TMTC2: variants seen among roughly 807,000 people sequenced by gnomAD.
TMTC2 encodes the protein transmembrane O-mannosyltransferase targeting cadherins 2, also known as protein O-mannosyl-transferase TMTC2.
In TMTC2, 43 loss-of-function variants were observed where a neutral mutation model predicts 82.4. The ratio of observed to expected loss-of-function variants is 0.52; its 90% confidence interval spans 0.41 to 0.67. TMTC2 has a LOEUF of 0.67. Ranked by LOEUF, TMTC2 falls within the 30% of genes least tolerant of loss-of-function variation. The pLI, the probability that TMTC2 is intolerant of heterozygous loss-of-function variation, is 0.00. For missense variants in TMTC2, 919 were observed against 1,012.4 expected (o/e 0.91, Z 1.25); for synonymous variants, 408 against 381.9 (o/e 1.07, Z -0.80).
intron 1 of TMTC2, among the ~76,000 whole-genome samples, chr12:82,842,356 C>G (rs770118007): frequency 2.2e-4 from 34 of 152,050 alleles, no homozygotes; most frequent in Non-Finnish European, 4.3e-4. Context: ...TTGAGTGATT[C>G]AAATTTTTTT....
At chr12:82,897,605 A>T (rs1044195174) in intron 3 of TMTC2, among the ~76,000 whole-genome samples, 2 of 152,046 alleles carry the variant, frequency 1.3e-5, no homozygotes, top group Admixed American at 1.3e-4. Flanking sequence ...GACTTACTGC[A>T]ACCTCCACCT....
chr12:82,969,699 A>T (rs1331114709), intron 7 of TMTC2, among the ~76,000 whole-genome samples: 1 of 152,144 alleles, frequency 6.6e-6, no homozygotes, highest in Non-Finnish European at 1.5e-5. Context: ...CCCAACTTAA[A>T]TTTTCCATAT....
intron 11 of TMTC2, among the ~76,000 whole-genome samples, chr12:83,107,875 G>A (rs927432321): frequency 6.6e-6 from 1 of 152,122 alleles, no homozygotes; most frequent in East Asian, 1.9e-4. Flanking sequence ...CAAATCTCAC[G>A]TTGAATTGGA....
intron 11 of TMTC2, among the ~76,000 whole-genome samples, chr12:83,089,613 A>G (rs1883773266): frequency 1.3e-5 from 2 of 152,188 alleles, no homozygotes; most frequent in South Asian, 2.1e-4. Flanking sequence ...CATGAGGCCT[A>G]GGTAGGGAGT....
intron 1 of TMTC2, among the ~76,000 whole-genome samples, chr12:82,702,802 C>G (rs1351603809): frequency 6.6e-6 from 1 of 152,068 alleles, no homozygotes; most frequent in East Asian, 1.9e-4. Context: ...TCACTTGAAC[C>G]TAGGAGTTCA....
rs189042171 is a variant in TMTC2, at chr12:82,991,278, G to T, written c.2070+5232G>T. On this transcript the variant is annotated intron_variant, in intron 8 of 11. Coordinates refer to ENST00000321196, the MANE Select transcript of TMTC2 (RefSeq NM_152588.3). ...TTGGTGTATGTGATTAAACTGATTG[G>T]AGATTGGAAAAATAACTTGACTACC... 7.2e-5 allele frequency among the ~76,000 whole-genome samples: 11 copies of T among 152,110 alleles called. No individual in the cohort carries two copies. The East Asian group carries it at 2.1e-3, about 29-fold the overall frequency.
At chr12:82,932,226 T>A (rs1352270333) in intron 4 of TMTC2, among the ~76,000 whole-genome samples, 2 of 152,226 alleles carry the variant, frequency 1.3e-5, no homozygotes, top group Non-Finnish European at 2.9e-5. Context: ...TAATTTTTTG[T>A]TCATACGTTG....
intron 11 of TMTC2, among the ~76,000 whole-genome samples, chr12:83,127,302 G>A (rs1272236855): frequency 6.6e-6 from 1 of 152,042 alleles, no homozygotes; most frequent in Non-Finnish European, 1.5e-5. Flanking sequence ...TTAGCAACAT[G>A]AATAAATCCT....
At chr12:82,782,709 C>G (rs7303906) in intron 1 of TMTC2, among the ~76,000 whole-genome samples, 38,068 of 152,040 alleles carry the variant, frequency 0.25, 5,956 homozygotes, top group African/African-American at 0.44. Flanking sequence ...AAATAAATCT[C>G]TGTCCTATGG....
intron 10 of TMTC2, 135 bp downstream of exon 10, chr12:83,051,153 G>A: frequency 3.3e-6 from 2 of 611,402 alleles, no homozygotes; most frequent in Non-Finnish European, 5.4e-6. Context: ...TAAAAAATTA[G>A]AAATATTGTA....
intron 2 of TMTC2, among the ~76,000 whole-genome samples, chr12:82,887,724 A>G (rs545344514): frequency 7.9e-5 from 12 of 152,326 alleles, no homozygotes; most frequent in Non-Finnish European, 1.3e-4. Context: ...AGTGGGGATT[A>G]GAGCTGATTT....
chr12:83,086,169 C>T (rs1342221687), intron 11 of TMTC2, among the ~76,000 whole-genome samples: 1 of 152,058 alleles, frequency 6.6e-6, no homozygotes, highest in Non-Finnish European at 1.5e-5. Context: ...TGGAGGGTTG[C>T]ACGGTGGCCG....
intron 9 of TMTC2, among the ~76,000 whole-genome samples, chr12:83,040,698 T>TC (rs1881857958): frequency 1.3e-5 from 2 of 149,810 alleles, no homozygotes; most frequent in African/African-American, 4.9e-5. Flanking sequence ...TTTTTTTTTT[T>TC]CTTTTGAGAC....
intron 3 of TMTC2, among the ~76,000 whole-genome samples, chr12:82,917,709 C>G (rs958607215): frequency 2.6e-5 from 4 of 151,736 alleles, no homozygotes; most frequent in Non-Finnish European, 5.9e-5. Flanking sequence ...TCATGCCATT[C>G]TCCTGCCTCA....
At chr12:83,045,938 C>T (rs1226605133) in intron 9 of TMTC2, among the ~76,000 whole-genome samples, 1 of 152,070 alleles carries the variant, frequency 6.6e-6, no homozygotes, top group Non-Finnish European at 1.5e-5. Context: ...AGTAACATAT[C>T]ACCCCAGAAG....
chr12:83,100,000 A>G (rs1200979695), intron 11 of TMTC2, among the ~76,000 whole-genome samples: 1 of 151,762 alleles, frequency 6.6e-6, no homozygotes, highest in African/African-American at 2.4e-5. Context: ...GCTCACTGCA[A>G]CCTCCACCTC....
At chr12:82,834,221 C>T (rs1869904227) in intron 1 of TMTC2, among the ~76,000 whole-genome samples, 9 of 152,088 alleles carry the variant, frequency 5.9e-5, no homozygotes. Context: ...ATGAATGTGG[C>T]AGATATCATG....
In TMTC2 at chr12:82,797,935, ATTTTTTT is replaced by A. The variant is rs72046660; in HGVS notation, c.84-59060_84-59054del. ...AGTAATTTTTAATATAACCACCCTA[ATTTTTTT>A]TTTTTTTTTTTTTTGAGACGAGTCC... On this transcript the variant is annotated intron_variant, in intron 1 of 11. Coordinates refer to ENST00000321196, the MANE Select transcript of TMTC2 (RefSeq NM_152588.3). 3.3e-5 allele frequency among the ~76,000 whole-genome samples: 4 copies of A among 121,810 alleles called. No individual in the cohort carries two copies. The South Asian group carries it at 7.9e-4, about 24-fold the overall frequency. 79.9% of individuals were successfully genotyped at this position (121,810 alleles called of 152,430 possible). A position where few individuals can be genotyped will look rare whatever the true frequency, so the allele number is the denominator to read the frequency against.
At chr12:83,021,890 G>A (rs10862547) in intron 8 of TMTC2, 15,276 of 152,002 alleles carry the variant, frequency 0.1, 1,206 homozygotes, top group East Asian at 0.29. Flanking sequence ...AGACACTCCA[G>A]GGCTCAATAC....
Sources: allele counts gnomAD v4.1 joint callset (sites outside exome capture counted in the v4.1 genomes callset), GRCh38; gene constraint gnomAD v4.1.1; transcripts MANE v1.5; gene names NCBI Gene and HGNC (gene_info 2026-07-23, HGNC 2026-07-21).